The following SLC25A40 variants were observed in gnomAD, a reference collection of about 807,000 sequenced individuals.
SLC25A40 encodes solute carrier family 25 member 40.
In SLC25A40, 41 loss-of-function variants were observed where a neutral mutation model predicts 46.5. The observed-to-expected ratio is 0.88, with a 90% confidence interval of 0.69 to 1.14. The LOEUF (loss-of-function observed/expected upper bound fraction) is 1.14, where lower values mean the gene tolerates loss of function less well. SLC25A40 is among the 50% of genes most tolerant of loss of function. The pLI is 0.00. For missense variants in SLC25A40, 386 were observed against 393.6 expected (o/e 0.98, Z 0.16); for synonymous variants, 126 against 127.5 (o/e 0.99, Z 0.08).
In SLC25A40 at chr7:87,833,938, C is replaced by G. The variant is rs1201702761; in HGVS notation, c.*2311G>C. ...GTTTTCCTAGAAAAAAAAATATTGC[C>G]TTTTAAAAAAAATCAAATATGTACT... On this transcript the variant is annotated 3_prime_UTR_variant, in exon 12 of 12. Coordinates refer to ENST00000341119, the MANE Select transcript of SLC25A40 (RefSeq NM_018843.4). 2 of 151,672 alleles carry G rather than the reference C, an allele frequency of 1.3e-5. No individual in the cohort carries two copies. The highest frequency in any genetic ancestry group is 3.9e-4 in the East Asian group (2 of 5,188). 9.4% of individuals were successfully genotyped at this position (151,672 alleles called of 1,614,324 possible). A position where few individuals can be genotyped will look rare whatever the true frequency, so the allele number is the denominator to read the frequency against.
At chr7:87,874,840 G>A (rs1273747676) in intron 1 of SLC25A40, among the ~76,000 whole-genome samples, 2 of 152,118 alleles carry the variant, frequency 1.3e-5, no homozygotes, top group Non-Finnish European at 2.9e-5. Context: ...CCAATTCTGT[G>A]GCATTTTCTC....
chr7:87,836,597 T>A (rs974651345), intron 11 of SLC25A40, 133 bp downstream of exon 11: 5 of 561,274 alleles, frequency 8.9e-6, no homozygotes, highest in South Asian at 3.9e-5. Flanking sequence ...TTATTTTAAC[T>A]TATAATAAAG....
At chr7:87,854,358 A>G in intron 4 of SLC25A40, 48 bp from the exon 5 acceptor site, 2 of 1,117,984 alleles carry the variant, frequency 1.8e-6, no homozygotes, top group Non-Finnish European at 2.6e-6. Flanking sequence ...CATAACTGTT[A>G]TTATTTTTAC....
intron 8 of SLC25A40, among the ~76,000 whole-genome samples, 175 bp downstream of exon 8, chr7:87,846,774 T>C (rs1029317739): frequency 3.3e-5 from 5 of 152,122 alleles, no homozygotes; most frequent in African/African-American, 1.2e-4. Context: ...ATAAAAACTA[T>C]TCATTCAATA....
chr7:87,853,857 T>C (rs961010290), intron 5 of SLC25A40, among the ~76,000 whole-genome samples: 20 of 152,346 alleles, frequency 1.3e-4, no homozygotes, highest in African/African-American at 4.6e-4. Context: ...GAAATTATTA[T>C]TTTAATTGTA....
intron 7 of SLC25A40, 65 bp from the exon 8 acceptor site, chr7:87,847,187 C>CT: frequency 1.7e-6 from 2 of 1,179,392 alleles, no homozygotes; most frequent in Non-Finnish European, 2.2e-6. Context: ...AACACATATA[C>CT]TGTAAAAATT....
intron 1 of SLC25A40, among the ~76,000 whole-genome samples, chr7:87,862,276 A>G (rs977290841): frequency 2.6e-5 from 4 of 152,226 alleles, no homozygotes; most frequent in African/African-American, 9.6e-5. Context: ...TTCCTGTAAT[A>G]GTAGAACATC....
intron 1 of SLC25A40, among the ~76,000 whole-genome samples, chr7:87,869,522 G>C (rs1244995591): frequency 6.7e-6 from 1 of 149,790 alleles, no homozygotes; most frequent in African/African-American, 2.5e-5. Flanking sequence ...AAGTGACAAA[G>C]TGAGACCCTG....
At chr7:87,850,205 A>G (rs1047287306) in intron 5 of SLC25A40, among the ~76,000 whole-genome samples, 3 of 152,140 alleles carry the variant, frequency 2.0e-5, no homozygotes, top group African/African-American at 4.8e-5. Context: ...AAGAGCTTAG[A>G]AAAAAAGCTT....
intron 1 of SLC25A40, among the ~76,000 whole-genome samples, chr7:87,874,098 G>A (rs529417134): frequency 1.5e-4 from 23 of 152,256 alleles, no homozygotes; most frequent in Middle Eastern, 3.4e-3. Flanking sequence ...AACAGATTTA[G>A]GTTCCAGTAA....
intron 1 of SLC25A40, among the ~76,000 whole-genome samples, chr7:87,875,852 G>A (rs111815979): frequency 0.019 from 2,943 of 152,268 alleles, 41 homozygotes; most frequent in Middle Eastern, 0.034. Flanking sequence ...GACGCCCCCC[G>A]GGGCCGCCCT....
chr7:87,861,391 T>C (rs758729208), intron 1 of SLC25A40, among the ~76,000 whole-genome samples: 13 of 152,198 alleles, frequency 8.5e-5, no homozygotes, highest in Non-Finnish European at 1.5e-4. Flanking sequence ...GAAATCTTGT[T>C]CATTTTGTAT....
Position 87,849,887 on chromosome 7 carries a change from G to A in SLC25A40, c.326C>T (p.Pro109Leu). Reference protein sequence around the residue: ...GIKSLWSGLPPTLVMAVPATV... With the variant: ...GIKSLWSGLPLTLVMAVPATV... ...ACATTAAATTTCAACTTACAGGGTAGGAGGAAGGCCACTCCATAGAGATTT... is the reference window on the plus strand; with the variant it reads ...ACATTAAATTTCAACTTACAGGGTAAGAGGAAGGCCACTCCATAGAGATTT... Residue 109 changes from proline to leucine, a missense_variant, in exon 6 of 12, where the codon CCT becomes CTT. Physicochemically the swap from Pro to Leu is moderately conservative, Grantham distance 98. Transcript: ENST00000341119. The A allele has an allele frequency of 6.3e-7, 1 of 1,590,866 alleles. No homozygotes were observed. The highest frequency in any genetic ancestry group is 8.6e-7 in the Non-Finnish European group (1 of 1,168,792).
chr7:87,858,738 A>T lies in SLC25A40; in HGVS notation c.-11T>A. On this transcript the variant is annotated 5_prime_UTR_variant, in exon 3 of 12. Transcript: ENST00000341119. The stretch of plus-strand genomic sequence containing the variant: ...TGTCTCAGGATCCATATTTTTAACT[A>T]ATTAAATAAAAACCTGTTAAAAAGA... 1 of 1,569,108 alleles carries T rather than the reference A, an allele frequency of 6.4e-7. No individual in the cohort carries two copies. Among genetic ancestry groups the T allele is most frequent in the East Asian group, 2.2e-5 (1 of 44,630 alleles).
intron 5 of SLC25A40, 40 bp downstream of exon 5, chr7:87,854,164 A>G: frequency 7.6e-7 from 1 of 1,312,002 alleles, no homozygotes; most frequent in Non-Finnish European, 1.1e-6. Flanking sequence ...AAGATTAAAT[A>G]GAAAATATAC....
chr7:87,873,861 A>T (rs956795165), intron 1 of SLC25A40, among the ~76,000 whole-genome samples: 2 of 152,128 alleles, frequency 1.3e-5, no homozygotes, highest in African/African-American at 4.8e-5. Flanking sequence ...ATGTTCTCCA[A>T]TTTTGCCTAA....
intron 9 of SLC25A40, chr7:87,842,120 GC>G: frequency 3.8e-6 from 1 of 261,952 alleles, no homozygotes; most frequent in Non-Finnish European, 7.7e-6. Flanking sequence ...AAAATTTCCA[GC>G]AAACGCTTTT....
At chr7:87,854,496 T>C (rs139462760) in intron 4 of SLC25A40, among the ~76,000 whole-genome samples, 186 bp from the exon 5 acceptor site, 1 of 152,216 alleles carries the variant, frequency 6.6e-6, no homozygotes, top group Non-Finnish European at 1.5e-5. Flanking sequence ...ATTTGCTTAA[T>C]GCTACTGCAA....
chr7:87,874,933 C>T (rs1283610090), intron 1 of SLC25A40, among the ~76,000 whole-genome samples: 2 of 152,172 alleles, frequency 1.3e-5, no homozygotes, highest in African/African-American at 4.8e-5. Flanking sequence ...CATTTCCTCC[C>T]AAAGCTTTAA....
Sources: gnomAD v4.1 joint callset for allele counts (sites outside exome capture counted in the v4.1 genomes callset) on GRCh38, gnomAD v4.1.1 for gene constraint, MANE v1.5 for transcripts, NCBI Gene and HGNC (gene_info 2026-07-23, HGNC 2026-07-21) for gene names.